The following PLCB1 variants were observed in gnomAD, a reference collection of about 807,000 sequenced individuals.
PLCB1 encodes phospholipase C beta 1.
PLCB1 carries 46 observed loss-of-function variants against 161.8 expected under a neutral mutation model. The ratio of observed to expected loss-of-function variants is 0.28; its 90% CI spans 0.22 to 0.36. The LOEUF is 0.36. Among genes scored for constraint, PLCB1 ranks in the 10% least tolerant of loss-of-function variants. PLCB1 has a pLI of 1.00. For synonymous variants in PLCB1, 517 were observed against 503.7 expected, an observed-to-expected ratio of 1.03 and a Z score of -0.35; for missense variants, 1,016 against 1,472.5, an observed-to-expected ratio of 0.69 and a Z score of 5.07.
At chr20:8,501,931 T>C (rs1198600253) in intron 3 of PLCB1, among the ~76,000 whole-genome samples, 1 of 140,586 alleles carries the variant, frequency 7.1e-6, no homozygotes, top group Non-Finnish European at 1.5e-5. Flanking sequence ...TTTTCTTGCT[T>C]GTATTATCCC....
intron 31 of PLCB1, among the ~76,000 whole-genome samples, chr20:8,837,119 T>A (rs1986318155): frequency 6.6e-6 from 1 of 152,072 alleles, no homozygotes; most frequent in Non-Finnish European, 1.5e-5. Flanking sequence ...AGAAGAGCCC[T>A]CTCCAGCCTC....
intron 4 of PLCB1, among the ~76,000 whole-genome samples, chr20:8,637,498 G>A (rs191670282): frequency 6.6e-6 from 1 of 152,070 alleles, no homozygotes; most frequent in African/African-American, 2.4e-5. Flanking sequence ...GTAGGAAACT[G>A]GAAGATGACA....
At chr20:8,287,749 G>A (rs1336713816) in intron 2 of PLCB1, among the ~76,000 whole-genome samples, 2 of 152,140 alleles carry the variant, frequency 1.3e-5, no homozygotes, top group African/African-American at 4.8e-5. Context: ...GCATTTACAT[G>A]TGACAATGAT....
At chr20:8,735,147 G>A (rs1980513197) in intron 19 of PLCB1, among the ~76,000 whole-genome samples, 1 of 152,208 alleles carries the variant, frequency 6.6e-6, no homozygotes, top group Non-Finnish European at 1.5e-5. Flanking sequence ...CTGATAGAAT[G>A]CTACTTTTAG....
chr20:8,489,079 C>A lies in PLCB1; in HGVS notation c.246+117629C>A, dbSNP rs368590745. Among the ~76,000 whole-genome samples, 385 of 152,162 alleles carry A rather than the reference C, an allele frequency of 2.5e-3. 4 individuals carry two copies. The highest frequency in any genetic ancestry group is 0.013 in the South Asian group (65 of 4,822). On this transcript the variant is annotated intron_variant, in intron 3 of 31. Transcript: ENST00000338037. Reference sequence around the variant, plus strand: ...TATTTACAACATGAAATAAATTATTCCTCGTATACTTATTGAATACCTTAA... The same window carrying A: ...TATTTACAACATGAAATAAATTATTACTCGTATACTTATTGAATACCTTAA...
intron 3 of PLCB1, among the ~76,000 whole-genome samples, chr20:8,605,518 T>C (rs1398724205): frequency 6.6e-6 from 1 of 152,032 alleles, no homozygotes; most frequent in Non-Finnish European, 1.5e-5. Flanking sequence ...CTTTTTATAC[T>C]AGAAACATCA....
intron 27 of PLCB1, among the ~76,000 whole-genome samples, chr20:8,782,617 C>A (rs1354778077): frequency 6.6e-6 from 1 of 152,154 alleles, no homozygotes; most frequent in African/African-American, 2.4e-5. Context: ...GTCTCAAACT[C>A]CTGGCTTTGA....
intron 27 of PLCB1, among the ~76,000 whole-genome samples, chr20:8,779,873 C>T (rs1419230337): frequency 6.6e-6 from 1 of 152,184 alleles, no homozygotes; most frequent in Non-Finnish European, 1.5e-5. Flanking sequence ...AGTCATAGTT[C>T]CTGTGGAAAT....
At chr20:8,645,550 TA>T (rs1989146240) in intron 4 of PLCB1, among the ~76,000 whole-genome samples, 1 of 152,136 alleles carries the variant, frequency 6.6e-6, no homozygotes, top group Non-Finnish European at 1.5e-5. Context: ...TGGTATGAGG[TA>T]GGGATTATGA....
chr20:8,414,090 A>G (rs570702050), intron 3 of PLCB1, among the ~76,000 whole-genome samples: 3 of 152,326 alleles, frequency 2.0e-5, no homozygotes, highest in African/African-American at 7.2e-5. Flanking sequence ...ATGAGTCAAT[A>G]AAAAAGTATA....
At chr20:8,572,517 A>T (rs1304111682) in intron 3 of PLCB1, among the ~76,000 whole-genome samples, 2 of 152,196 alleles carry the variant, frequency 1.3e-5, no homozygotes, top group Non-Finnish European at 2.9e-5. Flanking sequence ...GAACCTGGAG[A>T]TGTAACACTT....
At chr20:8,610,549 G>A (rs6086536) in intron 3 of PLCB1, among the ~76,000 whole-genome samples, 55,680 of 151,908 alleles carry the variant, frequency 0.37, 10,574 homozygotes, top group Non-Finnish European at 0.42. Flanking sequence ...ATCTTAAGGA[G>A]TTGCAAACTG....
At chr20:8,407,538 G>A (rs910292133) in intron 3 of PLCB1, among the ~76,000 whole-genome samples, 7 of 152,144 alleles carry the variant, frequency 4.6e-5, no homozygotes, top group African/African-American at 7.2e-5. Context: ...AAGCAAAAGC[G>A]GAAACCCCTG....
intron 12 of PLCB1, among the ~76,000 whole-genome samples, chr20:8,714,592 G>A (rs1340250355): frequency 6.6e-6 from 1 of 152,156 alleles, no homozygotes; most frequent in African/African-American, 2.4e-5. Flanking sequence ...TCAATTCTCT[G>A]ATTAGCAGTT....
intron 2 of PLCB1, among the ~76,000 whole-genome samples, chr20:8,287,238 T>C (rs1273242453): frequency 2.0e-5 from 3 of 152,120 alleles, no homozygotes; most frequent in Non-Finnish European, 4.4e-5. Flanking sequence ...TGTATAAATA[T>C]ATTTAATATT....
intron 3 of PLCB1, among the ~76,000 whole-genome samples, chr20:8,424,945 C>T (rs1209447425): frequency 6.6e-6 from 1 of 152,062 alleles, no homozygotes; most frequent in Non-Finnish European, 1.5e-5. Context: ...GGTTCAAATA[C>T]CCCCTAGAAG....
chr20:8,430,278 C>G (rs368418490), intron 3 of PLCB1, among the ~76,000 whole-genome samples: 23 of 152,060 alleles, frequency 1.5e-4, no homozygotes, highest in African/African-American at 4.8e-4. Flanking sequence ...GAAGTGATCA[C>G]GAAGACCTAG....
At chr20:8,866,504 T>C (rs1987434041) in intron 31 of PLCB1, among the ~76,000 whole-genome samples, 1 of 152,244 alleles carries the variant, frequency 6.6e-6, no homozygotes, top group Non-Finnish European at 1.5e-5. Context: ...GCATGGTGTT[T>C]TGTAAATTTC....
At chr20:8,790,659 G>A (rs994124793) in intron 31 of PLCB1, among the ~76,000 whole-genome samples, 4 of 152,128 alleles carry the variant, frequency 2.6e-5, no homozygotes, top group Non-Finnish European at 5.9e-5. Flanking sequence ...GTCCAGCAGA[G>A]GATGCCCTGC....
Sources: allele counts gnomAD v4.1 joint callset (sites outside exome capture counted in the v4.1 genomes callset), GRCh38; gene constraint gnomAD v4.1.1; transcripts MANE v1.5; gene names NCBI Gene and HGNC (gene_info 2026-07-23, HGNC 2026-07-21).